The following PCDHGA2 variants were observed in gnomAD, a reference collection of about 807,000 sequenced individuals.
PCDHGA2 encodes the protein protocadherin gamma-A2.
A neutral mutation model predicts 59.2 loss-of-function variants in PCDHGA2; 40 were observed. The observed-to-expected ratio is 0.68, with a 90% CI of 0.52 to 0.88. The LOEUF (loss-of-function observed/expected upper bound fraction) is 0.88, where lower values mean the gene tolerates loss of function less well. Ranked by LOEUF, PCDHGA2 falls within the 40% of genes least tolerant of loss-of-function variation. PCDHGA2 has a pLI of 0.00. For synonymous variants in PCDHGA2, 560 were observed against 526.0 expected (o/e 1.06, Z -0.89); for missense variants, 1,226 against 1,204.0 (o/e 1.02, Z -0.27).
chr5:141,451,134 T>A (rs567790185), intron 1 of PCDHGA2, among the ~76,000 whole-genome samples: 1 of 152,254 alleles, frequency 6.6e-6, no homozygotes, highest in South Asian at 2.1e-4. Context: ...AGCCTTATGA[T>A]TGTATTTAGA....
Position 141,364,692 on chromosome 5 carries a change from T to G in PCDHGA2, c.2424+23297T>G, listed in dbSNP as rs1763485100. On this transcript the variant is annotated intron_variant, in intron 1 of 3. Transcript: ENST00000394576. ...AAAATGAAAATTTATGGAGTAGAAGTAGAAATAATCGATATTAATGATAAC... is the reference window on the plus strand; with the variant it reads ...AAAATGAAAATTTATGGAGTAGAAGGAGAAATAATCGATATTAATGATAAC... The G allele has an allele frequency of 2.5e-6, 4 of 1,613,922 alleles. No individual in the cohort carries two copies. In the East Asian group the frequency reaches 8.9e-5, roughly 36 times the overall value.
At position 141,486,881 on chromosome 5, in the gene PCDHGA2, G is replaced by T. The variant is rs114512641; in HGVS notation, c.2425-7926G>T. The T allele has an allele frequency of 1.3e-5, 21 of 1,614,090 alleles. No homozygotes were observed. The East Asian group carries it at 4.7e-4, about 36-fold the overall frequency. ...TGCTCCAGCTGTGCTCCGTCCTCGG[G>T]CCCGGCCTGGTTCCTTATGTCCCCA... is the stretch of plus-strand genomic sequence containing the variant. On this transcript the variant is annotated intron_variant, in intron 1 of 3. Coordinates refer to ENST00000394576, the MANE Select transcript of PCDHGA2 (RefSeq NM_018915.4). This position sits in a 1 kb window ranked among gnomAD's most constrained non-coding sequence, Gnocchi z 5.0.
At chr5:141,374,954 A>C in intron 1 of PCDHGA2, 1 of 1,613,990 alleles carries the variant, frequency 6.2e-7, no homozygotes, top group Non-Finnish European at 8.5e-7. Flanking sequence ...GATCTCACAA[A>C]TTTTCTGTTT....
At chr5:141,494,758 T>A (rs370692038) in intron 1 of PCDHGA2, 49 bp from the exon 2 acceptor site, 2 of 1,613,800 alleles carry the variant, frequency 1.2e-6, no homozygotes, top group Admixed American at 3.3e-5. Context: ...CGGGTGACAT[T>A]CTAACTTCTC....
chr5:141,351,999 C>T lies in PCDHGA2; in HGVS notation c.2424+10604C>T, dbSNP rs1197010212. On this transcript the variant is annotated intron_variant, in intron 1 of 3. Coordinates refer to ENST00000394576, the MANE Select transcript of PCDHGA2 (RefSeq NM_018915.4). ...GATATGGTGCCACGCGCCGCAGAGC[C>T]CGGCTACCTGGTGACCAAGGTGGTG... is the stretch of plus-strand genomic sequence containing the variant. 1.9e-6 allele frequency: 3 copies of T among 1,610,840 alleles called. No homozygotes were observed. Among genetic ancestry groups the T allele is most frequent in the Non-Finnish European group, 2.5e-6 (3 of 1,179,442 alleles).
chr5:141,346,123 T>C lies in PCDHGA2; in HGVS notation c.2424+4728T>C, dbSNP rs775333525. On this transcript the variant is annotated intron_variant, in intron 1 of 3. Coordinates refer to ENST00000394576, the MANE Select transcript of PCDHGA2 (RefSeq NM_018915.4). The stretch of plus-strand genomic sequence containing the variant: ...CTCACTCTGTACCTGGTGGTGGCGG[T>C]GGCCGCGGTCTCCTGCGTCTTCCTG... 102 of 1,613,900 alleles carry C rather than the reference T, an allele frequency of 6.3e-5. No homozygotes were observed. The highest frequency in any genetic ancestry group is 1.7e-4 in the African/African-American group (13 of 75,048).
rs1247067983 is a variant in PCDHGA2, at chr5:141,511,327, C to T, written c.*154C>T. ...CCCTTGGGAAACAGAAACAAGTGCC[C>T]AGTCAGCACCTACCCCTTCCCCCCC... On this transcript the variant is annotated 3_prime_UTR_variant, in exon 4 of 4. Transcript: ENST00000394576. 28 of 1,455,454 alleles carry T rather than the reference C, an allele frequency of 1.9e-5. No individual in the cohort carries two copies. Among genetic ancestry groups the T allele is most frequent in the Admixed American group, 2.4e-5 (1 of 41,734 alleles). 90.2% of individuals were successfully genotyped at this position (1,455,454 alleles called of 1,614,324 possible). A position where few individuals can be genotyped will look rare whatever the true frequency, so the allele number is the denominator to read the frequency against.
Position 141,340,593 on chromosome 5 carries a change from C to A in PCDHGA2, c.1622C>A (p.Pro541Gln), listed in dbSNP as rs1234076130. ...ATAGCGCGGGACAGCGGGAACCCTCCACTCAGTAGCAATGTATCATTAAGC... is the reference window on the plus strand; with the variant it reads ...ATAGCGCGGGACAGCGGGAACCCTCAACTCAGTAGCAATGTATCATTAAGC... ...WVIARDSGNP[P>Q]LSSNVSLSLF... is the part of the protein sequence containing the mutation. Residue 541 changes from proline (P) to glutamine (Q), a missense_variant, in exon 1 of 4, where the codon CCA (proline) becomes CAA (glutamine). Physicochemically the swap from Pro to Gln is moderately conservative, Grantham distance 76. Transcript: ENST00000394576. 6.2e-7 allele frequency: 1 copy of A among 1,614,250 alleles called. No homozygotes were observed. The highest frequency in any genetic ancestry group is 8.5e-7 in the Non-Finnish European group (1 of 1,180,050).
At chr5:141,371,332 A>T (rs1481476869) in intron 1 of PCDHGA2, 1 of 1,613,988 alleles carries the variant, frequency 6.2e-7, no homozygotes, top group South Asian at 1.1e-5. Flanking sequence ...GAAGAGAGAG[A>T]TAGCTACACA....
intron 2 of PCDHGA2, among the ~76,000 whole-genome samples, chr5:141,500,881 T>G (rs940387787): frequency 1.0e-5 from 1 of 99,136 alleles, no homozygotes; most frequent in Non-Finnish European, 1.9e-5. Context: ...TTTACAATTT[T>G]TTTTTTTTGA....
rs2099710738 is a variant in PCDHGA2, at chr5:141,491,331, T to C, written c.2425-3476T>C. 6.2e-7 allele frequency: 1 copy of C among 1,614,170 alleles called. No homozygotes were observed. The highest frequency in any genetic ancestry group is 8.5e-7 in the Non-Finnish European group (1 of 1,180,018). On this transcript the variant is annotated intron_variant, in intron 1 of 3. Coordinates refer to ENST00000394576, the MANE Select transcript of PCDHGA2 (RefSeq NM_018915.4). The surrounding 1 kb of genome is among the most constrained non-coding windows in gnomAD (Gnocchi z 6.9). ...ACCTTACCCTTTACCTCATTGTGGC[T>C]CTAGCGACCGTCAGTCTCTTATCCC...
chr5:141,404,656 C>A, intron 1 of PCDHGA2: 1 of 1,614,176 alleles, frequency 6.2e-7, no homozygotes, highest in Non-Finnish European at 8.5e-7. Context: ...CTGCCCTCCC[C>A]ACTGATGGTT....
In PCDHGA2 at chr5:141,344,605, A is replaced by G; in HGVS notation, c.2424+3210A>G. ...AATAGCGTCTCTGAGGGGGCCAAGT[A>G]TCCAGAGCTGGTGCTGGAGCGGGCC... On this transcript the variant is annotated intron_variant, in intron 1 of 3. Coordinates refer to ENST00000394576, the MANE Select transcript of PCDHGA2 (RefSeq NM_018915.4). The G allele has an allele frequency of 6.2e-7, 1 of 1,613,998 alleles. No individual in the cohort carries two copies. The highest frequency in any genetic ancestry group is 8.5e-7 in the Non-Finnish European group (1 of 1,179,890).
Position 141,491,456 on chromosome 5 carries a change from C to A in PCDHGA2, c.2425-3351C>A. ...TGCAGGCGCCAGGACTCACCCTCCC[C>A]GGACTTCTATAAGCAGTCCAGCCCC... On this transcript the variant is annotated intron_variant, in intron 1 of 3. Coordinates refer to ENST00000394576, the MANE Select transcript of PCDHGA2 (RefSeq NM_018915.4). The surrounding 1 kb of genome is among the most constrained non-coding windows in gnomAD (Gnocchi z 6.9). 1.2e-6 allele frequency: 2 copies of A among 1,614,104 alleles called. No homozygotes were observed.
intron 1 of PCDHGA2, chr5:141,389,158 G>A (rs774342496): frequency 5.0e-6 from 8 of 1,613,850 alleles, no homozygotes; most frequent in African/African-American, 2.7e-5. Context: ...GCAACAGATC[G>A]GGGCAAGCCT....
At position 141,511,219 on chromosome 5, in the gene PCDHGA2, G is replaced by A. The variant is rs1467284181; in HGVS notation, c.*46G>A. On this transcript the variant is annotated 3_prime_UTR_variant, in exon 4 of 4. Coordinates refer to ENST00000394576, the MANE Select transcript of PCDHGA2 (RefSeq NM_018915.4). ...CCACAGGGCGGCCTCTCCCCAACCA[G>A]CCCAGCTTCTCCTTACCTGCACCCA... 5 of 1,606,366 alleles carry A rather than the reference G, an allele frequency of 3.1e-6. No individual in the cohort carries two copies. The highest frequency in any genetic ancestry group is 2.7e-5 in the African/African-American group (2 of 74,686).
chr5:141,491,583 C>G lies in PCDHGA2; in HGVS notation c.2425-3224C>G. On this transcript the variant is annotated intron_variant, in intron 1 of 3. Coordinates refer to ENST00000394576, the MANE Select transcript of PCDHGA2 (RefSeq NM_018915.4). This position sits in a 1 kb window ranked among gnomAD's most constrained non-coding sequence, Gnocchi z 6.9. ...GCTACAGGACGTGCTTTTCACCGGC[C>G]TCGGACGGCAGTGACTTCACTTTTC... is the stretch of plus-strand genomic sequence containing the variant. 1 of 1,613,964 alleles carries G rather than the reference C, an allele frequency of 6.2e-7. No individual in the cohort carries two copies. The highest frequency in any genetic ancestry group is 8.5e-7 in the Non-Finnish European group (1 of 1,180,046).
chr5:141,477,212 C>T lies in PCDHGA2; in HGVS notation c.2425-17595C>T, dbSNP rs1488282405. On this transcript the variant is annotated intron_variant, in intron 1 of 3. Coordinates refer to ENST00000394576, the MANE Select transcript of PCDHGA2 (RefSeq NM_018915.4). This position sits in a 1 kb window ranked among gnomAD's most constrained non-coding sequence, Gnocchi z 4.9. ...GTACAGCCCAGTACCCGAGGATGCC[C>T]CTCTGGGGACTGTCATCGCTTTGCT... 11 of 1,614,048 alleles carry T rather than the reference C, an allele frequency of 6.8e-6. No individual in the cohort carries two copies. The highest frequency in any genetic ancestry group is 1.3e-5 in the African/African-American group (1 of 74,918).
chr5:141,375,842 C>CT (rs1331781655), intron 1 of PCDHGA2: 1 of 1,614,004 alleles, frequency 6.2e-7, no homozygotes, highest in Non-Finnish European at 8.5e-7. Flanking sequence ...GCCCGGCTAC[C>CT]TGGTGACCAA....
Sources: allele counts gnomAD v4.1 joint callset (sites outside exome capture counted in the v4.1 genomes callset), GRCh38; gene constraint gnomAD v4.1.1; non-coding constraint Gnocchi (gnomAD v3.1); transcripts MANE v1.5; gene names NCBI Gene and HGNC (gene_info 2026-07-23, HGNC 2026-07-21).